SMG1: variants seen among roughly 807,000 people sequenced by gnomAD.
The protein encoded by SMG1 is serine/threonine-protein kinase SMG1.
In SMG1, 22 loss-of-function variants were observed where a neutral mutation model predicts 419.9. The ratio of observed to expected loss-of-function variants is 0.05; its 90% CI spans 0.04 to 0.07. The LOEUF (loss-of-function observed/expected upper bound fraction) is 0.07. Among genes scored for constraint, SMG1 ranks in the 10% least tolerant of loss-of-function variants. SMG1 has a pLI of 1.00. For missense variants in SMG1, 3,185 were observed against 4,342.0 expected (o/e 0.73, Z 7.49); for synonymous variants, 1,538 against 1,553.5 (o/e 0.99, Z 0.23).
At chr16:18,885,816 T>A (rs1156949098) in intron 6 of SMG1, 150 bp from the exon 7 acceptor site, 32 of 707,512 alleles carry the variant, frequency 4.5e-5, no homozygotes, top group Non-Finnish European at 6.9e-5. Flanking sequence ...AAAAAAAAAT[T>A]GACTTGTAAA....
chr16:18,885,413 G>A (rs886378001), intron 7 of SMG1, 128 bp downstream of exon 7: 4 of 1,226,432 alleles, frequency 3.3e-6, no homozygotes, highest in African/African-American at 3.0e-5. Flanking sequence ...ATTTAACCCT[G>A]GAACCTCAAA....
chr16:18,816,758 TA>T (rs1244352136), intron 57 of SMG1, among the ~76,000 whole-genome samples: 1 of 152,232 alleles, frequency 6.6e-6, no homozygotes, highest in Non-Finnish European at 1.5e-5. Context: ...TTTAAATGCT[TA>T]AAGTTTAAGA....
At chr16:18,887,506 T>A (rs1348169256) in intron 6 of SMG1, among the ~76,000 whole-genome samples, 1 of 98,814 alleles carries the variant, frequency 1.0e-5, no homozygotes, top group Non-Finnish European at 2.2e-5. Context: ...GCCCGACTTA[T>A]TTTTTTTTCC....
chr16:18,834,908 G>A lies in SMG1; in HGVS notation c.8314C>T (p.Leu2772Phe), dbSNP rs749728979. Residue 2772 changes from leucine to phenylalanine, a missense_variant, in exon 49 of 63, where the codon CTT (leucine) becomes TTT (phenylalanine). Leu to Phe is a conservative substitution (Grantham distance 22). Transcript: ENST00000446231. Reference sequence around the variant, plus strand: ...CTAACTTACCTTGTAAGGGTACAAAGGGCAGAAATAATAACACTTGCTAGA... The same window carrying A: ...CTAACTTACCTTGTAAGGGTACAAAAGGCAGAAATAATAACACTTGCTAGA... ...LSLASVIISA[L>F]CTLTRRNLMM... 4.3e-6 allele frequency: 7 copies of A among 1,613,932 alleles called. No individual in the cohort carries two copies. The highest frequency in any genetic ancestry group is 5.9e-6 in the Non-Finnish European group (7 of 1,179,846).
intron 10 of SMG1, among the ~76,000 whole-genome samples, chr16:18,880,839 G>A (rs1299262624): frequency 1.3e-5 from 2 of 151,510 alleles, no homozygotes; most frequent in Non-Finnish European, 2.9e-5. Flanking sequence ...TTCAAGACCA[G>A]CCTGGGAAAC....
chr16:18,859,891 C>T (rs1358672716), intron 26 of SMG1, among the ~76,000 whole-genome samples, 188 bp from the exon 27 acceptor site: 1 of 152,116 alleles, frequency 6.6e-6, no homozygotes, highest in Non-Finnish European at 1.5e-5. Context: ...GTACCTCAGA[C>T]CCCTAAAAAG....
chr16:18,856,694 G>A (rs1197820422), intron 29 of SMG1: 1 of 152,076 alleles, frequency 6.6e-6, no homozygotes, highest in Non-Finnish European at 1.5e-5. Flanking sequence ...GCTATGTTGG[G>A]TCACCGTGTT....
intron 60 of SMG1, among the ~76,000 whole-genome samples, chr16:18,814,305 A>G (rs997756545): frequency 2.6e-5 from 4 of 151,250 alleles, no homozygotes; most frequent in African/African-American, 9.7e-5. Flanking sequence ...CTTCATTTGT[A>G]TTAAGTATTT....
In SMG1 at chr16:18,880,721, A is replaced by AAGGGGG. The variant is rs760136125; in HGVS notation, c.1294-1003_1294-1002insCCCCCT. On this transcript the variant is annotated intron_variant, in intron 10 of 62. Transcript: ENST00000446231. Reference sequence around the variant, plus strand: ...CAGAGACCATGTCTCCAAAAAAAAAAGGGGGGGGGCGCGGAGGGGGAAGCA... The same window carrying AAGGGGG: ...CAGAGACCATGTCTCCAAAAAAAAAAAGGGGGGGGGGGGGGCGCGGAGGGGGAAGCA... Among the ~76,000 whole-genome samples the AAGGGGG allele has an allele frequency of 5.0e-4, 32 of 63,936 alleles. 3 individuals carry two copies. The highest frequency in any genetic ancestry group is 2.0e-3 in the African/African-American group (32 of 15,834). 41.9% of individuals were successfully genotyped at this position (63,936 alleles called of 152,430 possible).
Position 18,809,513 on chromosome 16 carries a change from T to C in SMG1, c.*56A>G. On this transcript the variant is annotated 3_prime_UTR_variant, in exon 63 of 63. Transcript: ENST00000446231. ...GTGGCTTTGGATGCCTGAGGCTGAG[T>C]TGATTCTGGTGGATGTCTGACCTCG... The C allele has an allele frequency of 5.1e-6, 7 of 1,368,858 alleles. No homozygotes were observed. The highest frequency in any genetic ancestry group is 1.8e-4 in the Middle Eastern group (1 of 5,610). The allele number at this position is 1,368,858 out of a possible 1,614,324, so 84.8% of individuals were successfully genotyped here.
intron 1 of SMG1, chr16:18,899,966 GTAAGTT>G: frequency 7.0e-7 from 1 of 1,421,194 alleles, no homozygotes; most frequent in East Asian, 2.5e-5. Context: ...CACATGAGAG[GTAAGTT>G]TCTAAAGCTC....
chr16:18,868,337 G>C lies in SMG1; in HGVS notation c.3048C>G (p.Phe1016Leu), dbSNP rs1394431566. The change falls in exon 22 of 63, where the codon TTC becomes TTG. Residue 1016 changes from phenylalanine to leucine, a missense_variant. Physicochemically the swap from Phe to Leu is conservative, Grantham distance 22 (BLOSUM62 0). Around this residue, in one of 27 missense-constraint regions of SMG1, gnomAD observed 70 missense variants for 185.7 expected, o/e 0.38. Coordinates refer to ENST00000446231, the MANE Select transcript of SMG1 (RefSeq NM_015092.5). ...CCTGACAAGTTTGGCGATTGGTATAGAAAAAAGTTCTAATGACCTTTACGA... is the reference window on the plus strand; with the variant it reads ...CCTGACAAGTTTGGCGATTGGTATACAAAAAAGTTCTAATGACCTTTACGA... ...TSPPKVIRTF[F>L]YTNRQTCQDW... is the part of the protein sequence containing the mutation. 8.3e-6 allele frequency: 12 copies of C among 1,438,502 alleles called. No homozygotes were observed. The highest frequency in any genetic ancestry group is 2.8e-5 in the African/African-American group (2 of 71,154). 89.1% of individuals were successfully genotyped at this position (1,438,502 alleles called of 1,614,324 possible).
intron 60 of SMG1, among the ~76,000 whole-genome samples, chr16:18,814,974 C>T (rs1388319187): frequency 6.6e-6 from 1 of 151,234 alleles, no homozygotes; most frequent in African/African-American, 2.4e-5. Context: ...CCACCTTGGC[C>T]TTCAAGTAGC....
chr16:18,882,099 A>G, intron 10 of SMG1, 66 bp downstream of exon 10: 2 of 1,119,808 alleles, frequency 1.8e-6, no homozygotes, highest in Non-Finnish European at 2.5e-6. Flanking sequence ...CCAGGTAAAG[A>G]GAAGCATTTA....
At chr16:18,874,758 C>T (rs534191893) in intron 13 of SMG1, among the ~76,000 whole-genome samples, 11 of 145,886 alleles carry the variant, frequency 7.5e-5, no homozygotes, top group African/African-American at 2.5e-4. Flanking sequence ...CTCAGCTGCT[C>T]GGGAGGCTGA....
chr16:18,916,411 A>T (rs2037980281), intron 1 of SMG1, among the ~76,000 whole-genome samples: 1 of 145,130 alleles, frequency 6.9e-6, no homozygotes, highest in South Asian at 2.3e-4. Context: ...GCTACTCGGG[A>T]GGCTGAGGCA....
chr16:18,872,617 G>A lies in SMG1; in HGVS notation c.1898C>T (p.Ala633Val), dbSNP rs1198074095. ...NAKNSLIGMW[A>V]LSPTVFALLS... ...AAGTGCAAAGACAGTTGGAGATAGC[G>A]CCCACATCTGATCATGTACAAAACA... The change falls in exon 14 of 63, where the codon GCG (alanine) becomes GTG (valine). Residue 633 changes from alanine to valine, a missense_variant. Coordinates refer to ENST00000446231, the MANE Select transcript of SMG1 (RefSeq NM_015092.5). 4.2e-6 allele frequency: 6 copies of A among 1,433,648 alleles called. No individual in the cohort carries two copies. Among genetic ancestry groups the A allele is most frequent in the Non-Finnish European group, 5.6e-6 (6 of 1,078,476 alleles). 88.8% of individuals were successfully genotyped at this position (1,433,648 alleles called of 1,614,324 possible).
intron 22 of SMG1, among the ~76,000 whole-genome samples, chr16:18,867,291 T>C (rs1292340201): frequency 1.3e-5 from 2 of 152,232 alleles, no homozygotes; most frequent in Non-Finnish European, 1.5e-5. Context: ...CCCAGCACTT[T>C]GGAAGGCCGA....
intron 1 of SMG1, chr16:18,925,540 G>A (rs2038359494): frequency 5.6e-6 from 1 of 179,222 alleles, no homozygotes; most frequent in Non-Finnish European, 1.2e-5. Flanking sequence ...GAGCTCTCAC[G>A]TGGCGGCTGA....
Sources: gnomAD v4.1 joint callset for allele counts (sites outside exome capture counted in the v4.1 genomes callset) on GRCh38, gnomAD v4.1.1 for gene constraint, gnomAD v4.1.1 regional missense constraint, MANE v1.5 for transcripts, NCBI Gene and HGNC (gene_info 2026-07-23, HGNC 2026-07-21) for gene names.